Variants in RALYL observed in about 807,000 individuals in gnomAD.
The protein encoded by RALYL is RALY RNA binding protein like, also known as RNA-binding Raly-like protein.
In RALYL, 29 loss-of-function variants were observed where a neutral mutation model predicts 35.1. The observed-to-expected ratio is 0.83, with a 90% CI of 0.61 to 1.13. The LOEUF (loss-of-function observed/expected upper bound fraction) is 1.13, where lower values mean the gene tolerates loss of function less well. Ranked by LOEUF, RALYL falls within the 50% of genes most tolerant of loss-of-function variation. The pLI is 0.00. For missense variants in RALYL, 359 were observed against 360.4 expected, an observed-to-expected ratio of 1.00 and a Z score of 0.03; for synonymous variants, 120 against 127.6, an observed-to-expected ratio of 0.94 and a Z score of 0.40.
At chr8:84,250,114 T>A (rs1829890748) in intron 1 of RALYL, among the ~76,000 whole-genome samples, 1 of 152,060 alleles carries the variant, frequency 6.6e-6, no homozygotes, top group African/African-American at 2.4e-5. Flanking sequence ...AATTAAATTA[T>A]CTATTTATGC....
chr8:84,614,192 A>T (rs1818926044), intron 2 of RALYL, among the ~76,000 whole-genome samples: 1 of 151,684 alleles, frequency 6.6e-6, no homozygotes, highest in Non-Finnish European at 1.5e-5. Context: ...GAACTCAGTA[A>T]GCCTTAGCTG....
At chr8:84,438,432 G>C (rs762801534) in intron 1 of RALYL, among the ~76,000 whole-genome samples, 1 of 151,848 alleles carries the variant, frequency 6.6e-6, no homozygotes, top group East Asian at 1.9e-4. Flanking sequence ...TCTGTTGCTC[G>C]TGCTGGAGGG....
chr8:84,679,552 T>A (rs747857177), intron 2 of RALYL: 62 of 403,728 alleles, frequency 1.5e-4, no homozygotes, highest in Non-Finnish European at 2.7e-4. Context: ...GAATGATTCA[T>A]GAGCTCTTCC....
chr8:84,788,020 T>C (rs1355531932), intron 3 of RALYL, among the ~76,000 whole-genome samples: 1 of 152,210 alleles, frequency 6.6e-6, no homozygotes, highest in African/African-American at 2.4e-5. Flanking sequence ...CTCTTTAGTT[T>C]AGTTAGATCC....
intron 1 of RALYL, among the ~76,000 whole-genome samples, chr8:84,204,258 A>T (rs1817570207): frequency 6.6e-6 from 1 of 152,152 alleles, no homozygotes; most frequent in South Asian, 2.1e-4. Context: ...TCAGAAAAAA[A>T]AAATGAGAGG....
At chr8:84,300,884 A>T (rs531073305) in intron 1 of RALYL, among the ~76,000 whole-genome samples, 1 of 152,166 alleles carries the variant, frequency 6.6e-6, no homozygotes, top group South Asian at 2.1e-4. Flanking sequence ...TCCTATTTAT[A>T]TTCAAGGTTA....
chr8:84,790,168 G>A (rs28742129), intron 3 of RALYL, among the ~76,000 whole-genome samples: 2,160 of 152,200 alleles, frequency 0.014, 48 homozygotes, highest in African/African-American at 0.049. Context: ...CTCCAGTCCT[G>A]GAATGTTAAT....
At chr8:84,522,020 G>A (rs984101029) in intron 1 of RALYL, among the ~76,000 whole-genome samples, 3 of 151,778 alleles carry the variant, frequency 2.0e-5, no homozygotes, top group Non-Finnish European at 2.9e-5. Context: ...TGTTGCTTAC[G>A]ATAATTTTAA....
intron 2 of RALYL, among the ~76,000 whole-genome samples, chr8:84,580,383 C>T (rs947060274): frequency 6.6e-5 from 10 of 152,172 alleles, no homozygotes; most frequent in Admixed American, 1.3e-4. Context: ...GACATATGCT[C>T]AGTTTCTGAT....
intron 2 of RALYL, among the ~76,000 whole-genome samples, chr8:84,723,974 C>T (rs1844471258): frequency 1.3e-5 from 2 of 151,684 alleles, no homozygotes; most frequent in African/African-American, 2.4e-5. Flanking sequence ...TTTGCATCAC[C>T]TTATCTGGCT....
At position 84,290,494 on chromosome 8, in the gene RALYL, G is replaced by A. The variant is rs557744047; in HGVS notation, c.-24+106070G>A. Among the ~76,000 whole-genome samples the A allele has an allele frequency of 1.2e-4, 18 of 151,996 alleles. No individual in the cohort carries two copies. The South Asian group carries it at 3.5e-3, about 30-fold the overall frequency. Reference sequence around the variant, plus strand: ...AAGGGGGTTTGTTCTCTGGCGGGCAGGAGTGGGGGGTCACAAGGTGCTCAG... The same window carrying A: ...AAGGGGGTTTGTTCTCTGGCGGGCAAGAGTGGGGGGTCACAAGGTGCTCAG... On this transcript the variant is annotated intron_variant, in intron 1 of 8. Transcript: ENST00000521268.
chr8:84,318,908 C>G (rs953575298), intron 1 of RALYL, among the ~76,000 whole-genome samples: 1 of 152,132 alleles, frequency 6.6e-6, no homozygotes, highest in East Asian at 1.9e-4. Flanking sequence ...TCATAAAAGT[C>G]TTACAGGCTT....
intron 1 of RALYL, among the ~76,000 whole-genome samples, chr8:84,523,003 A>C (rs2134721137): frequency 6.6e-6 from 1 of 152,280 alleles, no homozygotes; most frequent in East Asian, 1.9e-4. Flanking sequence ...GAGCAAAGGC[A>C]CATCTTACAT....
chr8:84,221,928 C>CT (rs1822318801), intron 1 of RALYL, among the ~76,000 whole-genome samples: 1 of 151,932 alleles, frequency 6.6e-6, no homozygotes, highest in African/African-American at 2.4e-5. Context: ...TATGCATAAT[C>CT]TTAAGTATTT....
chr8:84,407,613 A>C (rs2043673178), intron 1 of RALYL, among the ~76,000 whole-genome samples: 1 of 152,128 alleles, frequency 6.6e-6, no homozygotes, highest in Admixed American at 6.6e-5. Context: ...GTAACAAATA[A>C]ATATATTTAC....
chr8:84,896,149 C>A (rs1225305002), intron 8 of RALYL, among the ~76,000 whole-genome samples: 1 of 152,172 alleles, frequency 6.6e-6, no homozygotes, highest in Non-Finnish European at 1.5e-5. Flanking sequence ...CAGTATGACT[C>A]TCTCACACTC....
intron 1 of RALYL, among the ~76,000 whole-genome samples, chr8:84,454,275 A>G (rs2049878765): frequency 6.6e-6 from 1 of 152,042 alleles, no homozygotes; most frequent in South Asian, 2.1e-4. Flanking sequence ...AGCATCAGGT[A>G]GAAAAATACT....
chr8:84,508,953 C>T (rs1355028222), intron 1 of RALYL, among the ~76,000 whole-genome samples: 1 of 152,140 alleles, frequency 6.6e-6, no homozygotes, highest in Admixed American at 6.5e-5. Context: ...TGTAAATGAA[C>T]ATAATGACTG....
chr8:84,183,860 G>C lies in RALYL; in HGVS notation c.-588G>C, dbSNP rs1168750785. On this transcript the variant is annotated 5_prime_UTR_variant, in exon 1 of 9. Coordinates refer to ENST00000521268, the MANE Select transcript of RALYL (RefSeq NM_173848.7). ...AGCAAAATGTGCAACTGGTTTTATG[G>C]AAAAAGCGATGTGAAGTATGGTGCC... 1 of 152,316 alleles carries C rather than the reference G, an allele frequency of 6.6e-6. No individual in the cohort carries two copies. Among genetic ancestry groups the C allele is most frequent in the Admixed American group, 6.6e-5 (1 of 15,236 alleles). 9.4% of individuals were successfully genotyped at this position (152,316 alleles called of 1,614,324 possible).
Sources: gnomAD v4.1 joint callset for allele counts (sites outside exome capture counted in the v4.1 genomes callset) on GRCh38, gnomAD v4.1.1 for gene constraint, MANE v1.5 for transcripts, NCBI Gene and HGNC (gene_info 2026-07-23, HGNC 2026-07-21) for gene names.